The following ADAMTSL1 variants were observed in gnomAD, a reference collection of about 807,000 sequenced individuals.
ADAMTSL1 encodes the protein ADAMTS like 1, also known as ADAMTS-like protein 1.
Under a neutral mutation model 201.8 loss-of-function variants are expected in ADAMTSL1, and 126 were observed. The observed-to-expected ratio is 0.62, with a 90% CI of 0.54 to 0.72. The LOEUF (loss-of-function observed/expected upper bound fraction) is 0.72. Ranked by LOEUF, ADAMTSL1 falls within the 30% of genes least tolerant of loss-of-function variation. The probability of loss-of-function intolerance (pLI) is 0.00; values close to 1 mark genes in which losing one functional copy is unlikely to be tolerated. For synonymous variants in ADAMTSL1, 1,121 were observed against 903.4 expected, an observed-to-expected ratio of 1.24 and a Z score of -4.32; for missense variants, 2,679 against 2,277.8, an observed-to-expected ratio of 1.18 and a Z score of -3.59.
intron 2 of ADAMTSL1, among the ~76,000 whole-genome samples, chr9:18,350,107 C>T (rs1264605172): frequency 6.6e-6 from 1 of 151,946 alleles, no homozygotes; most frequent in South Asian, 2.1e-4. Context: ...AGGGGTTTAA[C>T]TAATGTGGCA....
intron 1 of ADAMTSL1, among the ~76,000 whole-genome samples, chr9:17,908,360 G>A (rs531927040): frequency 1.6e-4 from 24 of 152,328 alleles, no homozygotes; most frequent in African/African-American, 4.3e-4. Flanking sequence ...CCTGGAGGGA[G>A]AGGGGAGGCT....
At chr9:18,501,073 G>A (rs1388677644) in intron 1 of ADAMTSL1, among the ~76,000 whole-genome samples, 1 of 152,146 alleles carries the variant, frequency 6.6e-6, no homozygotes, top group Non-Finnish European at 1.5e-5. Context: ...TTTGATTTCA[G>A]AAGCAATCAG....
At chr9:18,083,644 A>T (rs553968198) in intron 1 of ADAMTSL1, among the ~76,000 whole-genome samples, 1 of 152,330 alleles carries the variant, frequency 6.6e-6, no homozygotes, top group African/African-American at 2.4e-5. Context: ...CCAATTCTAA[A>T]CACAGTGCAA....
chr9:18,012,620 C>G (rs918281904), intron 1 of ADAMTSL1, among the ~76,000 whole-genome samples: 2 of 152,012 alleles, frequency 1.3e-5, no homozygotes, highest in Non-Finnish European at 2.9e-5. Flanking sequence ...AATGCTGAGA[C>G]AGGTGACAGA....
intron 2 of ADAMTSL1, among the ~76,000 whole-genome samples, chr9:18,312,049 G>C (rs578040923): frequency 1.3e-5 from 2 of 152,280 alleles, no homozygotes; most frequent in East Asian, 3.9e-4. Context: ...TTACATCCTA[G>C]TAGAATGAGA....
intron 16 of ADAMTSL1, among the ~76,000 whole-genome samples, chr9:18,754,173 G>C (rs1819616935): frequency 6.6e-6 from 1 of 152,160 alleles, no homozygotes; most frequent in Admixed American, 6.5e-5. Context: ...AGAATTGCGT[G>C]GTTGTGATAG....
chr9:18,117,306 C>G (rs1358745403), intron 1 of ADAMTSL1, among the ~76,000 whole-genome samples: 4 of 152,254 alleles, frequency 2.6e-5, no homozygotes, highest in African/African-American at 9.6e-5. Context: ...GTTAAATGAC[C>G]TCTAAGGTCT....
chr9:18,241,039 A>G (rs1209727642), intron 2 of ADAMTSL1, among the ~76,000 whole-genome samples: 1 of 152,132 alleles, frequency 6.6e-6, no homozygotes, highest in East Asian at 1.9e-4. Context: ...GACCACTAAA[A>G]CTTTCCATAT....
At chr9:18,706,554 G>A (rs527710616) in intron 13 of ADAMTSL1, 193 bp from the exon 14 acceptor site, 1 of 566,602 alleles carries the variant, frequency 1.8e-6, no homozygotes, top group African/African-American at 1.9e-5. Context: ...CATGAAGCAA[G>A]CAACCCAGAA....
At chr9:18,160,700 A>G (rs1827347668) in intron 1 of ADAMTSL1, among the ~76,000 whole-genome samples, 1 of 151,154 alleles carries the variant, frequency 6.6e-6, no homozygotes, top group Admixed American at 6.6e-5. Flanking sequence ...AATTTTTTTG[A>G]GAAAGGTCTA....
chr9:18,174,268 G>A (rs1003387312), intron 2 of ADAMTSL1, among the ~76,000 whole-genome samples: 4 of 152,242 alleles, frequency 2.6e-5, no homozygotes, highest in Admixed American at 6.5e-5. Context: ...CAACCCGTGC[G>A]TTGAGTTTAA....
chr9:18,029,296 A>G (rs114959376), intron 1 of ADAMTSL1, among the ~76,000 whole-genome samples: 3,189 of 152,214 alleles, frequency 0.021, 119 homozygotes, highest in African/African-American at 0.073. Context: ...AGCCATAGGG[A>G]AAGGATTTCC....
At chr9:18,884,518 AT>A (rs370119540) in intron 23 of ADAMTSL1, among the ~76,000 whole-genome samples, 5,129 of 151,898 alleles carry the variant, frequency 0.034, 155 homozygotes, top group South Asian at 0.13. Context: ...TTCCCCTGCG[AT>A]TTTTTTTAAG....
intron 1 of ADAMTSL1, among the ~76,000 whole-genome samples, chr9:18,055,085 A>G (rs1822118311): frequency 6.6e-6 from 1 of 152,206 alleles, no homozygotes; most frequent in Non-Finnish European, 1.5e-5. Context: ...CCCTGAATGG[A>G]CTGGGGCATG....
At chr9:18,840,381 T>C (rs922003158) in intron 23 of ADAMTSL1, among the ~76,000 whole-genome samples, 1 of 152,222 alleles carries the variant, frequency 6.6e-6, no homozygotes, top group Non-Finnish European at 1.5e-5. Context: ...CTCTGTTCTG[T>C]TCCATTGATC....
At position 18,109,067 on chromosome 9, in the gene ADAMTSL1, A is replaced by G. The variant is rs372642974; in HGVS notation, c.88-54795A>G. Among the ~76,000 whole-genome samples, 238 of 152,318 alleles carry G rather than the reference A, an allele frequency of 1.6e-3. 7 individuals are homozygous for G. The South Asian group carries it at 0.048, about 31-fold the overall frequency. ...ATAAAATTACTTCAGATACAGTATC[A>G]TAAAAGACTCTTCTCAACTGCATAC... On this transcript the variant is annotated intron_variant, in intron 1 of 29. Transcript: ENST00000680146.
At chr9:18,781,679 A>T (rs924945552) in intron 19 of ADAMTSL1, among the ~76,000 whole-genome samples, 13 of 152,178 alleles carry the variant, frequency 8.5e-5, no homozygotes, top group African/African-American at 2.7e-4. Flanking sequence ...AAGTGCTGAA[A>T]TGTCCAGTGT....
Position 18,067,071 on chromosome 9 carries a change from G to A in ADAMTSL1, c.88-96791G>A, listed in dbSNP as rs537660285. On this transcript the variant is annotated intron_variant, in intron 1 of 29. Coordinates refer to the ADAMTSL1 transcript ENST00000680146. ...GTTAATGGGTGCATCACACCAGCAT[G>A]GCACATGTACACATATGTAACTAAC... Among the ~76,000 whole-genome samples the A allele has an allele frequency of 1.9e-4, 29 of 152,096 alleles. No homozygotes were observed. The South Asian group carries it at 6.0e-3, about 32-fold the overall frequency.
At chr9:18,432,488 T>C (rs1488635125) in intron 2 of ADAMTSL1, among the ~76,000 whole-genome samples, 2 of 152,194 alleles carry the variant, frequency 1.3e-5, no homozygotes, top group Non-Finnish European at 1.5e-5. Flanking sequence ...GAGCACTAGA[T>C]TAAGCCAATA....
Sources: gnomAD v4.1 joint callset for allele counts (sites outside exome capture counted in the v4.1 genomes callset) on GRCh38, gnomAD v4.1.1 for gene constraint, MANE v1.5 for transcripts, NCBI Gene and HGNC (gene_info 2026-07-23, HGNC 2026-07-21) for gene names.